MAP2K4: variants seen among roughly 807,000 people sequenced by gnomAD.
The protein encoded by MAP2K4 is mitogen-activated protein kinase kinase 4.
In MAP2K4, 4 loss-of-function variants were observed where a neutral mutation model predicts 48.5. The ratio of observed to expected loss-of-function variants is 0.08; its 90% CI spans 0.04 to 0.19. The LOEUF (loss-of-function observed/expected upper bound fraction) is 0.19, where lower values mean the gene tolerates loss of function less well. Among genes scored for constraint, MAP2K4 ranks in the 10% least tolerant of loss-of-function variants. The pLI is 1.00. For missense variants in MAP2K4, 258 were observed against 493.3 expected (o/e 0.52, Z 4.52); for synonymous variants, 166 against 173.1 (o/e 0.96, Z 0.32).
chr17:12,035,285 C>T (rs1336667400), intron 1 of MAP2K4, among the ~76,000 whole-genome samples: 3 of 152,052 alleles, frequency 2.0e-5, no homozygotes, highest in Non-Finnish European at 2.9e-5. Context: ...CGGGAGGCCA[C>T]GGCGGGCAGA....
At chr17:12,101,910 G>A (rs1394257968) in intron 4 of MAP2K4, among the ~76,000 whole-genome samples, 1 of 151,866 alleles carries the variant, frequency 6.6e-6, no homozygotes, top group Non-Finnish European at 1.5e-5. Flanking sequence ...TTTTTTACCT[G>A]CCTTCAGATT....
At chr17:12,085,734 G>GT (rs1971340347) in intron 3 of MAP2K4, among the ~76,000 whole-genome samples, 2 of 152,058 alleles carry the variant, frequency 1.3e-5, no homozygotes, top group Non-Finnish European at 2.9e-5. Context: ...ATGCTTGATA[G>GT]TAAGGACTAG....
chr17:12,139,024 G>T (rs1973294525), intron 9 of MAP2K4, among the ~76,000 whole-genome samples: 1 of 152,138 alleles, frequency 6.6e-6, no homozygotes, highest in Non-Finnish European at 1.5e-5. Context: ...CTTAAAGAGG[G>T]AATCTACATA....
At chr17:12,046,217 C>T (rs1969959871) in intron 1 of MAP2K4, among the ~76,000 whole-genome samples, 3 of 152,118 alleles carry the variant, frequency 2.0e-5, no homozygotes, top group African/African-American at 7.2e-5. Flanking sequence ...CTGGCTGCCT[C>T]CTTTTGGGTA....
chr17:12,081,656 C>T lies in MAP2K4; in HGVS notation c.393+126C>T, dbSNP rs955821984. ...GTGGGTGTTTAAAAAATTGTTTCTC[C>T]AACTCCTTTGAGGGTGTTCTGTGTA... On this transcript the variant is annotated intron_variant, in intron 3 of 10. Coordinates refer to ENST00000353533, the MANE Select transcript of MAP2K4 (RefSeq NM_003010.4). This position sits in a 1 kb window ranked among gnomAD's most constrained non-coding sequence, Gnocchi z 4.2. 4.4e-6 allele frequency: 4 copies of T among 916,846 alleles called. No homozygotes were observed. The Admixed American group carries it at 1.0e-4, about 23-fold the overall frequency. The allele number at this position is 916,846 out of a possible 1,614,324, so 56.8% of individuals were successfully genotyped here.
At chr17:12,082,192 G>A (rs1971213161) in intron 3 of MAP2K4, among the ~76,000 whole-genome samples, 2 of 151,310 alleles carry the variant, frequency 1.3e-5, no homozygotes, top group Non-Finnish European at 1.5e-5. Context: ...GACAATACCT[G>A]GCAAGCTTAT....
intron 1 of MAP2K4, among the ~76,000 whole-genome samples, chr17:12,051,386 G>A (rs1020413894): frequency 6.6e-6 from 1 of 152,200 alleles, no homozygotes; most frequent in Non-Finnish European, 1.5e-5. Context: ...ACATTTGGAA[G>A]TGTTTTCTGT....
chr17:12,137,782 AAAGGTAT>A (rs1333934379), intron 9 of MAP2K4, among the ~76,000 whole-genome samples: 1 of 150,286 alleles, frequency 6.7e-6, no homozygotes, highest in Non-Finnish European at 1.5e-5. Flanking sequence ...TAGGATAAAC[AAAGGTAT>A]AAGCTTAAAG....
intron 2 of MAP2K4, among the ~76,000 whole-genome samples, chr17:12,065,856 G>A (rs1221112546): frequency 2.6e-5 from 4 of 152,156 alleles, no homozygotes; most frequent in Non-Finnish European, 5.9e-5. Flanking sequence ...ATGAATATAT[G>A]AACACTGTGC....
rs571740323 is a variant in MAP2K4, at chr17:12,061,118, G to T, written c.218+6127G>T. 3.1e-4 allele frequency among the ~76,000 whole-genome samples: 47 copies of T among 152,126 alleles called. 1 individual carries two copies. The highest frequency in any genetic ancestry group is 1.1e-3 in the African/African-American group (45 of 41,476). On this transcript the variant is annotated intron_variant, in intron 2 of 10. Coordinates refer to ENST00000353533, the MANE Select transcript of MAP2K4 (RefSeq NM_003010.4). ...TCTCATTCAAAATAATGTCTTCAAG[G>T]TTCATTCATGTTGTAGAATGTATCT... is the stretch of plus-strand genomic sequence containing the variant.
intron 1 of MAP2K4, among the ~76,000 whole-genome samples, chr17:12,051,433 A>C (rs969387518): frequency 1.3e-5 from 2 of 152,196 alleles, no homozygotes; most frequent in Non-Finnish European, 2.9e-5. Flanking sequence ...TATACAGAGA[A>C]TCTCTCGCAG....
intron 9 of MAP2K4, among the ~76,000 whole-genome samples, chr17:12,134,158 T>C (rs1973130521): frequency 6.6e-6 from 1 of 152,182 alleles, no homozygotes; most frequent in African/African-American, 2.4e-5. Context: ...CAATGATGGC[T>C]CTCCACCTAG....
intron 3 of MAP2K4, among the ~76,000 whole-genome samples, chr17:12,083,392 T>C (rs965465415): frequency 9.9e-5 from 15 of 152,224 alleles, no homozygotes; most frequent in Admixed American, 7.2e-4. Context: ...ACAGTTCCAG[T>C]TGGGATGCTA....
At chr17:12,102,677 T>A (rs940377364) in intron 4 of MAP2K4, among the ~76,000 whole-genome samples, 2 of 152,162 alleles carry the variant, frequency 1.3e-5, no homozygotes, top group African/African-American at 2.4e-5. Context: ...GAGAATATTT[T>A]TGACTGAATA....
At chr17:12,026,839 G>GA (rs1969268239) in intron 1 of MAP2K4, 1 of 152,190 alleles carries the variant, frequency 6.6e-6, no homozygotes, top group South Asian at 2.1e-4. Flanking sequence ...CAAGAATGGT[G>GA]CACTTCATGT....
chr17:12,076,440 T>C (rs548111047), intron 2 of MAP2K4, among the ~76,000 whole-genome samples: 3 of 152,270 alleles, frequency 2.0e-5, no homozygotes, highest in South Asian at 2.1e-4. Context: ...TTAACAGATA[T>C]ATTTGTCATT....
intron 4 of MAP2K4, among the ~76,000 whole-genome samples, chr17:12,103,050 A>G (rs1045222225): frequency 2.0e-5 from 3 of 150,664 alleles, no homozygotes; most frequent in Non-Finnish European, 4.4e-5. Flanking sequence ...AAAAAAAAAA[A>G]AAAAAAAAAG....
chr17:12,081,339 T>G lies in MAP2K4; in HGVS notation c.219-17T>G. On this transcript the variant is annotated splice_polypyrimidine_tract_variant and intron_variant, in intron 2 of 10. Transcript: ENST00000353533. This position sits in a 1 kb window ranked among gnomAD's most constrained non-coding sequence, Gnocchi z 4.2. ...CTATTTAAAATGTGGAAAAATTGCTTCCCAATATTTTAACAGAGAGAGACT... is the reference window on the plus strand; with the variant it reads ...CTATTTAAAATGTGGAAAAATTGCTGCCCAATATTTTAACAGAGAGAGACT... The G allele has an allele frequency of 6.3e-7, 1 of 1,580,320 alleles. No individual in the cohort carries two copies. The highest frequency in any genetic ancestry group is 8.6e-7 in the Non-Finnish European group (1 of 1,167,460).
At chr17:12,120,017 G>A (rs1972632037) in intron 7 of MAP2K4, among the ~76,000 whole-genome samples, 2 of 152,184 alleles carry the variant, frequency 1.3e-5, no homozygotes, top group African/African-American at 4.8e-5. Context: ...GAGTGTGGGA[G>A]GTGGGAGAGG....
Sources: allele counts gnomAD v4.1 joint callset (sites outside exome capture counted in the v4.1 genomes callset), GRCh38; gene constraint gnomAD v4.1.1; non-coding constraint Gnocchi (gnomAD v3.1); transcripts MANE v1.5; gene names NCBI Gene and HGNC (gene_info 2026-07-23, HGNC 2026-07-21).